Variants in CADM2 observed in about 807,000 individuals in gnomAD.
CADM2 encodes cell adhesion molecule 2, also known as immunoglobulin superfamily member 4D.
CADM2 carries 12 observed loss-of-function variants against 49.8 expected under a neutral mutation model. The observed-to-expected ratio is 0.24, with a 90% confidence interval of 0.15 to 0.39. The LOEUF (loss-of-function observed/expected upper bound fraction) is 0.39. Among genes scored for constraint, CADM2 ranks in the 10% least tolerant of loss-of-function variants. The pLI is 1.00. For missense variants in CADM2, 378 were observed against 492.3 expected, an observed-to-expected ratio of 0.77 and a Z score of 2.20; for synonymous variants, 214 against 175.4, an observed-to-expected ratio of 1.22 and a Z score of -1.74.
chr3:86,055,423 C>A (rs1737801191), intron 8 of CADM2, among the ~76,000 whole-genome samples: 1 of 144,270 alleles, frequency 6.9e-6, no homozygotes, highest in Admixed American at 7.1e-5. Context: ...GTGAAAAGGG[C>A]AAAGCAATGC....
chr3:85,891,858 T>C (rs1039885765), intron 5 of CADM2, among the ~76,000 whole-genome samples: 2 of 152,214 alleles, frequency 1.3e-5, no homozygotes, highest in African/African-American at 4.8e-5. Flanking sequence ...CTAACATCTT[T>C]ATTTAGCCAA....
chr3:85,205,603 A>G (rs1388693796), intron 1 of CADM2, among the ~76,000 whole-genome samples: 1 of 152,154 alleles, frequency 6.6e-6, no homozygotes, highest in Admixed American at 6.5e-5. Context: ...TTATGTTTAA[A>G]AAGAGTAAAA....
rs531637621 is a variant in CADM2, at chr3:85,123,049, C to T, written c.61+163381C>T. 5.8e-4 allele frequency among the ~76,000 whole-genome samples: 88 copies of T among 152,214 alleles called. 3 individuals are homozygous for T. In the South Asian group the frequency reaches 0.017, roughly 29 times the overall value. ...GAGGGAGTTTTCCATGAAAAAGATA[C>T]ATGATATATTATCTTATGTTCCATC... On this transcript the variant is annotated intron_variant, in intron 1 of 9. Transcript: ENST00000383699.
intron 3 of CADM2, among the ~76,000 whole-genome samples, chr3:85,845,329 G>A (rs992919808): frequency 2.0e-5 from 3 of 152,100 alleles, no homozygotes; most frequent in African/African-American, 7.2e-5. Flanking sequence ...GGCTGGGCCA[G>A]ATTCAGTCAG....
chr3:85,066,048 G>A (rs1307694004), intron 1 of CADM2, among the ~76,000 whole-genome samples: 4 of 152,074 alleles, frequency 2.6e-5, no homozygotes, highest in Non-Finnish European at 4.4e-5. Flanking sequence ...GTGCTAGACA[G>A]TAAACAAGTA....
chr3:85,133,396 G>A (rs889321240), intron 1 of CADM2, among the ~76,000 whole-genome samples: 2 of 152,098 alleles, frequency 1.3e-5, no homozygotes, highest in African/African-American at 4.8e-5. Context: ...GGTTCTCTAC[G>A]TCCCCACTAG....
intron 1 of CADM2, among the ~76,000 whole-genome samples, chr3:85,576,948 A>G (rs2062648575): frequency 6.6e-6 from 1 of 152,124 alleles, no homozygotes; most frequent in African/African-American, 2.4e-5. Flanking sequence ...CAACAAATAG[A>G]ACACAAATGG....
chr3:85,374,042 G>C (rs375435388), intron 1 of CADM2, among the ~76,000 whole-genome samples: 3 of 152,050 alleles, frequency 2.0e-5, no homozygotes, highest in Middle Eastern at 3.2e-3. Flanking sequence ...TTATTAAAAT[G>C]TCTGTAGCAA....
chr3:84,971,917 C>T (rs2031473185), intron 1 of CADM2, among the ~76,000 whole-genome samples: 1 of 152,030 alleles, frequency 6.6e-6, no homozygotes, highest in African/African-American at 2.4e-5. Context: ...GGAACACAAG[C>T]AGCAGACATG....
chr3:85,834,968 C>A lies in CADM2; in HGVS notation c.238+32772C>A, dbSNP rs186470486. 3.4e-3 allele frequency among the ~76,000 whole-genome samples: 514 copies of A among 151,586 alleles called. 9 individuals carry two copies. The highest frequency in any genetic ancestry group is 0.014 in the East Asian group (74 of 5,134). Reference sequence around the variant, plus strand: ...AAAATTATTGAGTTAAATATTCATTCAATGTGTGGCTATATGTGAGTGTGC... The same window carrying A: ...AAAATTATTGAGTTAAATATTCATTAAATGTGTGGCTATATGTGAGTGTGC... On this transcript the variant is annotated intron_variant, in intron 3 of 9. Coordinates refer to ENST00000383699, the MANE Select transcript of CADM2 (RefSeq NM_001167675.2).
At chr3:86,059,583 T>C (rs1483265617) in intron 8 of CADM2, among the ~76,000 whole-genome samples, 1 of 152,202 alleles carries the variant, frequency 6.6e-6, no homozygotes, top group Non-Finnish European at 1.5e-5. Context: ...AATCATGGGC[T>C]AATGCTTGAG....
chr3:84,986,741 CTT>C (rs2032581156), intron 1 of CADM2, among the ~76,000 whole-genome samples: 1 of 149,474 alleles, frequency 6.7e-6, no homozygotes, highest in African/African-American at 2.4e-5. Flanking sequence ...TACCCTAAAA[CTT>C]AAAGTATAAT....
At chr3:85,537,326 T>C (rs1277476222) in intron 1 of CADM2, among the ~76,000 whole-genome samples, 4 of 152,090 alleles carry the variant, frequency 2.6e-5, no homozygotes, top group Non-Finnish European at 5.9e-5. Flanking sequence ...TATATTAGCA[T>C]TGTTAAAACA....
chr3:85,472,468 A>G (rs2038809005), intron 1 of CADM2, among the ~76,000 whole-genome samples: 1 of 152,018 alleles, frequency 6.6e-6, no homozygotes, highest in African/African-American at 2.4e-5. Flanking sequence ...CGATGAGGAT[A>G]TATACATTTC....
chr3:85,305,474 AG>A (rs1349617667), intron 1 of CADM2, among the ~76,000 whole-genome samples: 1 of 151,652 alleles, frequency 6.6e-6, no homozygotes, highest in Non-Finnish European at 1.5e-5. Context: ...CAAATTTCAA[AG>A]TTAGTAAATA....
At chr3:86,021,414 A>G (rs1733160728) in intron 8 of CADM2, among the ~76,000 whole-genome samples, 1 of 152,086 alleles carries the variant, frequency 6.6e-6, no homozygotes, top group Non-Finnish European at 1.5e-5. Flanking sequence ...TCAGTGATGT[A>G]CCTTAGCTTA....
intron 1 of CADM2, among the ~76,000 whole-genome samples, chr3:85,283,850 C>T (rs2043563042): frequency 6.6e-6 from 1 of 152,072 alleles, no homozygotes; most frequent in Non-Finnish European, 1.5e-5. Flanking sequence ...GGAAGCAAAG[C>T]ATCAGCCTTG....
chr3:85,420,652 CAG>C (rs1331551064), intron 1 of CADM2, among the ~76,000 whole-genome samples: 1 of 152,044 alleles, frequency 6.6e-6, no homozygotes, highest in Non-Finnish European at 1.5e-5. Flanking sequence ...AAACGTGAAA[CAG>C]AAAATCTTTA....
At chr3:85,419,389 C>T (rs1010632255) in intron 1 of CADM2, among the ~76,000 whole-genome samples, 3 of 151,462 alleles carry the variant, frequency 2.0e-5, no homozygotes, top group Admixed American at 1.3e-4. Flanking sequence ...ACCCGGGAGG[C>T]GGAGCTTGCA....
Sources: allele counts gnomAD v4.1 joint callset (sites outside exome capture counted in the v4.1 genomes callset), GRCh38; gene constraint gnomAD v4.1.1; transcripts MANE v1.5; gene names NCBI Gene and HGNC (gene_info 2026-07-23, HGNC 2026-07-21).